The following PKNOX2 variants were observed in gnomAD, a reference collection of about 807,000 sequenced individuals.
The protein encoded by PKNOX2 is PBX/knotted 1 homeobox 2.
A neutral mutation model predicts 53.1 loss-of-function variants in PKNOX2; 14 were observed. The observed-to-expected ratio is 0.26, with a 90% confidence interval of 0.17 to 0.41. The LOEUF is 0.41. PKNOX2 is among the 10% of genes least tolerant of loss of function. The pLI, the probability that PKNOX2 is intolerant of heterozygous loss-of-function variation, is 1.00. For missense variants in PKNOX2, 496 were observed against 602.8 expected (o/e 0.82, Z 1.85); for synonymous variants, 257 against 242.8 (o/e 1.06, Z -0.54).
intron 3 of PKNOX2, among the ~76,000 whole-genome samples, chr11:125,346,766 A>G (rs1950992966): frequency 6.6e-6 from 1 of 150,884 alleles, no homozygotes; most frequent in Non-Finnish European, 1.5e-5. Context: ...GGAAGGGAGG[A>G]AGGAGGGAGG....
intron 2 of PKNOX2, among the ~76,000 whole-genome samples, chr11:125,285,986 ATT>A (rs1946870746): frequency 6.6e-6 from 1 of 152,148 alleles, no homozygotes; most frequent in South Asian, 2.1e-4. Flanking sequence ...TGGTGGGAAT[ATT>A]ATTCCAGAAA....
At chr11:125,172,819 A>G (rs751994466) in intron 1 of PKNOX2, among the ~76,000 whole-genome samples, 1 of 152,222 alleles carries the variant, frequency 6.6e-6, no homozygotes, top group Non-Finnish European at 1.5e-5. Flanking sequence ...CCTGTGGTAT[A>G]GAGTCTTAAG....
At chr11:125,290,276 TGGTGGAGCG>T (rs1348518273) in intron 2 of PKNOX2, among the ~76,000 whole-genome samples, 2 of 152,208 alleles carry the variant, frequency 1.3e-5, no homozygotes, top group Non-Finnish European at 2.9e-5. Context: ...GCCCAGCTAC[TGGTGGAGCG>T]GAGCCGGCCT....
intron 1 of PKNOX2, among the ~76,000 whole-genome samples, chr11:125,211,543 A>G (rs1413888527): frequency 2.6e-5 from 4 of 152,150 alleles, no homozygotes; most frequent in African/African-American, 9.6e-5. Flanking sequence ...TCTCTGGCAG[A>G]GAGCGACTGG....
intron 1 of PKNOX2, among the ~76,000 whole-genome samples, chr11:125,172,655 G>A (rs750727479): frequency 2.6e-5 from 4 of 152,282 alleles, no homozygotes; most frequent in Middle Eastern, 3.4e-3. Context: ...TGCTCTCAGA[G>A]GTCCCCTTCT....
At chr11:125,267,373 G>A (rs565287956) in intron 2 of PKNOX2, among the ~76,000 whole-genome samples, 1 of 152,324 alleles carries the variant, frequency 6.6e-6, no homozygotes, top group South Asian at 2.1e-4. Flanking sequence ...AGAGGGAGGA[G>A]CTATCATGGC....
At chr11:125,320,782 A>C (rs1209691626) in intron 2 of PKNOX2, among the ~76,000 whole-genome samples, 2 of 152,190 alleles carry the variant, frequency 1.3e-5, no homozygotes, top group Non-Finnish European at 2.9e-5. Flanking sequence ...CTTGCCCTTA[A>C]GCGTGCTGCC....
intron 1 of PKNOX2, among the ~76,000 whole-genome samples, chr11:125,208,033 A>G (rs1030687748): frequency 3.9e-5 from 6 of 152,146 alleles, no homozygotes; most frequent in African/African-American, 1.4e-4. Context: ...AGTAGCTGTA[A>G]TGCAAAGATG....
chr11:125,422,745 C>A lies in PKNOX2; in HGVS notation c.937-6267C>A, dbSNP rs1447018380. Among the ~76,000 whole-genome samples, 1 of 152,190 alleles carries A rather than the reference C, an allele frequency of 6.6e-6. No individual in the cohort carries two copies. Among genetic ancestry groups the A allele is most frequent in the Non-Finnish European group, 1.5e-5 (1 of 68,036 alleles). On this transcript the variant is annotated intron_variant, in intron 10 of 12. Transcript: ENST00000298282. The surrounding 1 kb of genome is among the most constrained non-coding windows in gnomAD (Gnocchi z 4.1). ...AAAAATGGCTGCAGGAGATTTACAA[C>A]CTCACAGCATTCCCCAAGAAGCTTA...
At chr11:125,409,571 G>A (rs1955361201) in intron 7 of PKNOX2, among the ~76,000 whole-genome samples, 1 of 152,156 alleles carries the variant, frequency 6.6e-6, no homozygotes, top group Non-Finnish European at 1.5e-5. Flanking sequence ...TCCTGAGCTA[G>A]GTGCTAAGGA....
intron 2 of PKNOX2, chr11:125,239,691 C>T (rs1053612569): frequency 4.6e-5 from 7 of 152,214 alleles, no homozygotes; most frequent in East Asian, 1.9e-4. Flanking sequence ...CGATCCACCC[C>T]GCTCGACCAG....
chr11:125,397,207 G>C (rs1954461933), intron 6 of PKNOX2, among the ~76,000 whole-genome samples: 1 of 152,224 alleles, frequency 6.6e-6, no homozygotes, highest in African/African-American at 2.4e-5. Flanking sequence ...CAGACAGTGA[G>C]GTAGCTGGTG....
intron 1 of PKNOX2, among the ~76,000 whole-genome samples, chr11:125,193,178 A>C (rs528770314): frequency 3.5e-4 from 53 of 152,238 alleles, no homozygotes; most frequent in Non-Finnish European, 6.5e-4. Context: ...ACATTTCTCC[A>C]AGCTTACAAG....
rs112192365 is a variant in PKNOX2 at position 125,254,577 on chromosome 11, G to A, written c.-130+19462G>A. 1.3e-4 allele frequency among the ~76,000 whole-genome samples: 20 copies of A among 152,318 alleles called. 1 individual carries two copies. The highest frequency in any genetic ancestry group is 4.3e-4 in the African/African-American group (18 of 41,570). On this transcript the variant is annotated intron_variant, in intron 2 of 12. Coordinates refer to ENST00000298282, the MANE Select transcript of PKNOX2 (RefSeq NM_001382323.2). ...TGAAGAGAACAGTCAGTTCTGACCC[G>A]CCTAACTCACTGGCTTGTTTTGAAT... is the stretch of plus-strand genomic sequence containing the variant.
intron 3 of PKNOX2, among the ~76,000 whole-genome samples, chr11:125,338,273 G>T (rs551067057): frequency 2.6e-5 from 4 of 152,148 alleles, no homozygotes; most frequent in Admixed American, 2.0e-4. Flanking sequence ...ATCCCTGACC[G>T]TGGCAAGTGC....
intron 1 of PKNOX2, among the ~76,000 whole-genome samples, chr11:125,196,307 CGGGGCTG>C (rs933386769): frequency 4.6e-5 from 7 of 152,050 alleles, no homozygotes; most frequent in Non-Finnish European, 1.0e-4. Flanking sequence ...CTGACTGTGT[CGGGGCTG>C]GGCTGCACAT....
chr11:125,350,999 AC>A (rs1299731078), intron 3 of PKNOX2, among the ~76,000 whole-genome samples: 1 of 150,948 alleles, frequency 6.6e-6, no homozygotes, highest in East Asian at 2.0e-4. Context: ...CCCTCCCCAC[AC>A]GTACAACAGG....
At chr11:125,217,047 A>T (rs1034896913) in intron 1 of PKNOX2, among the ~76,000 whole-genome samples, 5 of 150,250 alleles carry the variant, frequency 3.3e-5, no homozygotes, top group African/African-American at 7.3e-5. Flanking sequence ...AGTCTCTCTC[A>T]CACACACACA....
Position 125,189,447 on chromosome 11 carries a change from G to GTA in PKNOX2, c.-201+24714_-201+24715dup, listed in dbSNP as rs58968290. Among the ~76,000 whole-genome samples, 232 of 23,450 alleles carry GTA rather than the reference G, an allele frequency of 9.9e-3. 5 individuals carry two copies. The highest frequency in any genetic ancestry group is 0.014 in the Non-Finnish European group (168 of 11,706). 15.4% of individuals were successfully genotyped at this position (23,450 alleles called of 152,430 possible). Reference sequence around the variant, plus strand: ...TGTGTGTGTGTGTGTGTGTGTGTGTGTATATATATATATATATATATATAT... The same window carrying GTA: ...TGTGTGTGTGTGTGTGTGTGTGTGTGTATATATATATATATATATATATATAT... On this transcript the variant is annotated intron_variant, in intron 1 of 12. Coordinates refer to ENST00000298282, the MANE Select transcript of PKNOX2 (RefSeq NM_001382323.2).
Sources: allele counts gnomAD v4.1 joint callset (sites outside exome capture counted in the v4.1 genomes callset), GRCh38; gene constraint gnomAD v4.1.1; non-coding constraint Gnocchi (gnomAD v3.1); transcripts MANE v1.5; gene names NCBI Gene and HGNC (gene_info 2026-07-23, HGNC 2026-07-21).